The following UBE2G1 variants were observed in gnomAD, a reference collection of about 807,000 sequenced individuals.
The protein encoded by UBE2G1 is ubiquitin conjugating enzyme E2 G1.
In UBE2G1, 5 loss-of-function variants were observed where a neutral mutation model predicts 22.7. That is an observed-to-expected ratio of 0.22 (90% CI 0.12 to 0.46). The LOEUF (loss-of-function observed/expected upper bound fraction) is 0.46, where lower values mean the gene tolerates loss of function less well. Among genes scored for constraint, UBE2G1 ranks in the 20% least tolerant of loss-of-function variants. The probability of loss-of-function intolerance (pLI) is 0.99; values close to 1 mark genes in which losing one functional copy is unlikely to be tolerated. For missense variants in UBE2G1, 88 were observed against 203.9 expected, an observed-to-expected ratio of 0.43 and a Z score of 3.46; for synonymous variants, 74 against 67.5, an observed-to-expected ratio of 1.10 and a Z score of -0.47.
At chr17:4,349,172 T>C (rs563500978) in intron 1 of UBE2G1, among the ~76,000 whole-genome samples, 2 of 151,924 alleles carry the variant, frequency 1.3e-5, no homozygotes, top group Non-Finnish European at 2.9e-5. Flanking sequence ...ATACAAAAAT[T>C]AGCCAGATGT....
intron 1 of UBE2G1, among the ~76,000 whole-genome samples, chr17:4,333,583 A>C (rs1166777409): frequency 6.6e-6 from 1 of 152,130 alleles, no homozygotes; most frequent in East Asian, 1.9e-4. Flanking sequence ...GCACTTTGGG[A>C]GGCTGAGGCG....
intron 3 of UBE2G1, among the ~76,000 whole-genome samples, chr17:4,290,359 C>T (rs898998221): frequency 4.6e-5 from 7 of 152,150 alleles, no homozygotes; most frequent in African/African-American, 1.7e-4. Context: ...TTCATAACAT[C>T]AGTATTTCTG....
At chr17:4,292,218 C>T (rs373906651) in intron 3 of UBE2G1, among the ~76,000 whole-genome samples, 5 of 149,540 alleles carry the variant, frequency 3.3e-5, no homozygotes, top group East Asian at 2.0e-4. Context: ...CCCAGCTACT[C>T]GGGAGGCTGA....
chr17:4,277,689 A>C (rs1968836624), intron 5 of UBE2G1, among the ~76,000 whole-genome samples: 1 of 152,234 alleles, frequency 6.6e-6, no homozygotes, highest in Non-Finnish European at 1.5e-5. Context: ...AAATAATCTT[A>C]AATTGATTTC....
chr17:4,275,098 G>A lies in UBE2G1; in HGVS notation c.*38-2582C>T, dbSNP rs115963641. 6.3e-3 allele frequency among the ~76,000 whole-genome samples: 958 copies of A among 151,940 alleles called. 8 individuals are homozygous for A. The highest frequency in any genetic ancestry group is 0.022 in the African/African-American group (921 of 41,392). On this transcript the variant is annotated intron_variant, in intron 5 of 5. Coordinates refer to ENST00000396981, the MANE Select transcript of UBE2G1 (RefSeq NM_003342.5). ...GCCTAGGCAACAGAGCAAGACTCCC[G>A]TCTTAAAAAAAAACAACACTAAAAT... is the stretch of plus-strand genomic sequence containing the variant.
intron 3 of UBE2G1, among the ~76,000 whole-genome samples, chr17:4,293,170 C>G (rs1969064105): frequency 6.6e-6 from 1 of 152,168 alleles, no homozygotes; most frequent in Admixed American, 6.5e-5. Flanking sequence ...TAGGGAACCA[C>G]TAACCTACTT....
rs1262101298 is a variant in UBE2G1 at position 4,270,179 on chromosome 17, A to G, written c.*2375T>C. On this transcript the variant is annotated 3_prime_UTR_variant, in exon 6 of 6. Transcript: ENST00000396981. ...ATGGTTTTATCAAACTAACTGCATTAAAGTGGCACTTAAAGTTCAAAAATA... is the reference window on the plus strand; with the variant it reads ...ATGGTTTTATCAAACTAACTGCATTGAAGTGGCACTTAAAGTTCAAAAATA... The G allele has an allele frequency of 2.6e-5, 4 of 152,618 alleles. No individual in the cohort carries two copies. Among genetic ancestry groups the G allele is most frequent in the African/African-American group, 7.2e-5 (3 of 41,452 alleles). The allele number at this position is 152,618 out of a possible 1,614,324, so 9.5% of individuals were successfully genotyped here.
chr17:4,366,285 C>T lies in UBE2G1; in HGVS notation c.32G>A (p.Arg11Gln). The change falls in exon 1 of 6, where the codon CGA becomes CAA. Residue 11 changes from arginine to glutamine, a missense_variant. Physicochemically the swap from Arg to Gln is conservative, Grantham distance 43. Transcript: ENST00000396981. MTELQSALLL[R>Q]RQLAELNKNP... ...CGCCTGCTCACCTGCCAGCTGTCTTCGCAGTAGCAGTGCCGACTGCAGCTC... is the reference window on the plus strand; with the variant it reads ...CGCCTGCTCACCTGCCAGCTGTCTTTGCAGTAGCAGTGCCGACTGCAGCTC... 1 of 1,556,030 alleles carries T rather than the reference C, an allele frequency of 6.4e-7. No individual in the cohort carries two copies. Among genetic ancestry groups the T allele is most frequent in the Non-Finnish European group, 8.6e-7 (1 of 1,160,332 alleles).
At chr17:4,300,641 C>T (rs1969166513) in intron 2 of UBE2G1, among the ~76,000 whole-genome samples, 1 of 151,802 alleles carries the variant, frequency 6.6e-6, no homozygotes, top group African/African-American at 2.4e-5. Context: ...ATCACAGATG[C>T]TATAGTATAA....
chr17:4,327,295 T>C (rs1004809175), intron 1 of UBE2G1, among the ~76,000 whole-genome samples: 1 of 147,262 alleles, frequency 6.8e-6, no homozygotes, highest in Admixed American at 6.8e-5. Context: ...AGACTCTGTC[T>C]CAAAAAAAAT....
intron 1 of UBE2G1, among the ~76,000 whole-genome samples, chr17:4,365,617 C>T (rs1435027486): frequency 9.9e-5 from 15 of 152,060 alleles, no homozygotes; most frequent in Non-Finnish European, 2.1e-4. Context: ...TCCTACCCTC[C>T]CCCAGCCGGG....
chr17:4,304,425 T>C (rs1292983880), intron 2 of UBE2G1, among the ~76,000 whole-genome samples: 2 of 152,208 alleles, frequency 1.3e-5, no homozygotes, highest in South Asian at 2.1e-4. Context: ...TTTCAGAATG[T>C]ACATTTCATA....
chr17:4,365,099 A>C (rs2143843589), intron 1 of UBE2G1, among the ~76,000 whole-genome samples: 1 of 152,344 alleles, frequency 6.6e-6, no homozygotes, highest in Middle Eastern at 3.4e-3. Flanking sequence ...CGAACACCTC[A>C]AACTCTTAGT....
chr17:4,301,839 G>T, intron 2 of UBE2G1: 1 of 517,400 alleles, frequency 1.9e-6, no homozygotes. Context: ...GCTAGAATTG[G>T]AAGTACGGTA....
rs1454902765 is a variant in UBE2G1, at chr17:4,271,271, T to A, written c.*1283A>T. ...TAATGCTTTTAGATTCACAGAAGAA[T>A]CTAGATAGAACCAAATACATATACT... is the stretch of plus-strand genomic sequence containing the variant. On this transcript the variant is annotated 3_prime_UTR_variant, in exon 6 of 6. Transcript: ENST00000396981. The A allele has an allele frequency of 6.6e-6, 1 of 152,630 alleles. No individual in the cohort carries two copies. Among genetic ancestry groups the A allele is most frequent in the South Asian group, 2.1e-4 (1 of 4,834 alleles). 9.5% of individuals were successfully genotyped at this position (152,630 alleles called of 1,614,324 possible). A position where few individuals can be genotyped will look rare whatever the true frequency, so the allele number is the denominator to read the frequency against.
At chr17:4,328,370 G>A (rs1446204917) in intron 1 of UBE2G1, among the ~76,000 whole-genome samples, 5 of 152,164 alleles carry the variant, frequency 3.3e-5, no homozygotes, top group African/African-American at 1.2e-4. Context: ...TTTTGCAAAA[G>A]CCCTTTACTA....
intron 3 of UBE2G1, among the ~76,000 whole-genome samples, chr17:4,290,521 G>T (rs530203540): frequency 6.6e-6 from 1 of 152,240 alleles, no homozygotes; most frequent in East Asian, 1.9e-4. Flanking sequence ...ACCCAGGCTG[G>T]AGTGTAGTGG....
chr17:4,348,058 A>G (rs1454940271), intron 1 of UBE2G1, among the ~76,000 whole-genome samples: 1 of 152,184 alleles, frequency 6.6e-6, no homozygotes, highest in Admixed American at 6.5e-5. Flanking sequence ...TTTAAATCAA[A>G]CGCTAGAAAC....
chr17:4,322,616 G>A (rs954281702), intron 1 of UBE2G1, among the ~76,000 whole-genome samples: 1 of 152,148 alleles, frequency 6.6e-6, no homozygotes, highest in Non-Finnish European at 1.5e-5. Context: ...AAAATGGGGT[G>A]TCCTGGGAAA....
Sources: gnomAD v4.1 joint callset for allele counts (sites outside exome capture counted in the v4.1 genomes callset) on GRCh38, gnomAD v4.1.1 for gene constraint, MANE v1.5 for transcripts, NCBI Gene and HGNC (gene_info 2026-07-23, HGNC 2026-07-21) for gene names.